Variants in REV3L observed in about 807,000 individuals in gnomAD.
REV3L encodes the protein DNA polymerase zeta catalytic subunit.
A neutral mutation model predicts 299.4 loss-of-function variants in REV3L; 69 were observed. The observed-to-expected ratio is 0.23, with a 90% CI of 0.19 to 0.28. REV3L has a LOEUF of 0.28. Among genes scored for constraint, REV3L ranks in the 10% least tolerant of loss-of-function variants. The pLI is 1.00. For missense variants in REV3L, 3,128 were observed against 3,693.8 expected (o/e 0.85, Z 3.97); for synonymous variants, 1,238 against 1,271.4 (o/e 0.97, Z 0.56).
At chr6:111,385,839 C>A (rs985409272) in intron 9 of REV3L, among the ~76,000 whole-genome samples, 7 of 151,860 alleles carry the variant, frequency 4.6e-5, no homozygotes, top group African/African-American at 1.5e-4. Context: ...ACCCAAATGG[C>A]CTTTAAAGAT....
rs530018606 is a variant in REV3L, at chr6:111,362,940, T to C, written c.6879+913A>G. 5.9e-4 allele frequency among the ~76,000 whole-genome samples: 90 copies of C among 152,306 alleles called. 2 individuals carry two copies. The highest frequency in any genetic ancestry group is 2.1e-4 in the South Asian group (1 of 4,828). ...ATATCCATGCTGCTAGCGGCTACCATACGACAGCACAGGTGTAAACAATGA... is the reference window on the plus strand; with the variant it reads ...ATATCCATGCTGCTAGCGGCTACCACACGACAGCACAGGTGTAAACAATGA... On this transcript the variant is annotated intron_variant, in intron 16 of 31. Transcript: ENST00000368802.
intron 1 of REV3L, among the ~76,000 whole-genome samples, chr6:111,473,123 AG>A (rs1415922219): frequency 6.6e-6 from 1 of 152,204 alleles, no homozygotes; most frequent in Admixed American, 6.5e-5. Flanking sequence ...TTACTTTATA[AG>A]TAAGTTCAAA....
At chr6:111,414,138 T>C (rs974009762) in intron 2 of REV3L, among the ~76,000 whole-genome samples, 1 of 152,066 alleles carries the variant, frequency 6.6e-6, no homozygotes, top group Admixed American at 6.6e-5. Context: ...CTGCAAACTG[T>C]ATTAAGTGCT....
At chr6:111,325,897 T>C (rs1774736324) in intron 25 of REV3L, among the ~76,000 whole-genome samples, 2 of 152,324 alleles carry the variant, frequency 1.3e-5, no homozygotes, top group African/African-American at 4.8e-5. Context: ...TTTGTACTCA[T>C]TAATCATTTC....
intron 4 of REV3L, among the ~76,000 whole-genome samples, chr6:111,395,399 T>C (rs1265727871): frequency 2.0e-5 from 3 of 152,240 alleles, no homozygotes; most frequent in Non-Finnish European, 4.4e-5. Flanking sequence ...TTATCAGTAA[T>C]TTCTAGTTTT....
chr6:111,366,797 A>G (rs1372849638), intron 14 of REV3L, among the ~76,000 whole-genome samples: 2 of 152,134 alleles, frequency 1.3e-5, no homozygotes, highest in African/African-American at 2.4e-5. Flanking sequence ...ACGTGAGGTC[A>G]AGGCAGGTTT....
rs1415694463 is a variant in REV3L at position 111,311,238 on chromosome 6, G to C, written c.8626C>G (p.Leu2876Val). The C allele has an allele frequency of 6.2e-7, 1 of 1,607,364 alleles. No homozygotes were observed. The highest frequency in any genetic ancestry group is 8.5e-7 in the Non-Finnish European group (1 of 1,177,238). The change falls in exon 29 of 32, where the codon CTG (leucine) becomes GTG (valine). Residue 2876 changes from leucine to valine, a missense_variant. This residue lies in a region of REV3L where 294 missense variants were observed against 377.0 expected (regional missense o/e 0.78). Coordinates refer to ENST00000368802, the MANE Select transcript of REV3L (RefSeq NM_001372078.1). ...VSKILERSLK[L>V]LFETRDISLI... ...CTTATATCTCTCGTTTCAAATAGCA[G>C]CTTTAGAGAACGCTCAAGTATCTTA...
At chr6:111,474,944 C>G (rs574074527) in intron 1 of REV3L, among the ~76,000 whole-genome samples, 1 of 151,630 alleles carries the variant, frequency 6.6e-6, no homozygotes, top group Non-Finnish European at 1.5e-5. Context: ...ATCAGACTCT[C>G]CCGTATCCTC....
At chr6:111,333,047 A>T in intron 23 of REV3L, 76 bp downstream of exon 23, 1 of 1,540,456 alleles carries the variant, frequency 6.5e-7, no homozygotes, top group Non-Finnish European at 8.8e-7. Flanking sequence ...GAGCAAAGAG[A>T]CACTCAGAAA....
intron 30 of REV3L, 109 bp downstream of exon 30, chr6:111,309,744 C>T: frequency 7.9e-7 from 1 of 1,268,080 alleles, no homozygotes; most frequent in South Asian, 1.6e-5. Context: ...CCACACTCTT[C>T]CCTTCCCAGC....
Position 111,315,394 on chromosome 6 carries a change from A to C in REV3L, c.8352-13T>G, listed in dbSNP as rs779760018. ...TAGCACAAACATACTAAGGGGATTAAAAATAAAGTAAGGTAATGAGGAAGT... is the reference window on the plus strand; with the variant it reads ...TAGCACAAACATACTAAGGGGATTACAAATAAAGTAAGGTAATGAGGAAGT... On this transcript the variant is annotated splice_polypyrimidine_tract_variant and intron_variant, in intron 26 of 31. Coordinates refer to ENST00000368802, the MANE Select transcript of REV3L (RefSeq NM_001372078.1). 2 of 1,601,488 alleles carry C rather than the reference A, an allele frequency of 1.2e-6. No homozygotes were observed. The highest frequency in any genetic ancestry group is 3.4e-5 in the Admixed American group (2 of 59,334).
chr6:111,310,239 T>C, intron 29 of REV3L, 140 bp from the exon 30 acceptor site: 2 of 1,103,704 alleles, frequency 1.8e-6, no homozygotes, highest in Non-Finnish European at 2.4e-6. Context: ...TACTATTTCT[T>C]TGAGAATAAT....
At position 111,439,049 on chromosome 6, in the gene REV3L, CA is replaced by C. The variant is rs201678932; in HGVS notation, c.140-22578del. Among the ~76,000 whole-genome samples, 885 of 152,254 alleles carry C rather than the reference CA, an allele frequency of 5.8e-3. 3 individuals are homozygous for C. The highest frequency in any genetic ancestry group is 8.3e-3 in the Non-Finnish European group (563 of 68,008). On this transcript the variant is annotated intron_variant, in intron 1 of 31. Coordinates refer to ENST00000368802, the MANE Select transcript of REV3L (RefSeq NM_001372078.1). ...AAAGGTAACTTATATTAGGTTGGTG[CA>C]AAAGTAACTGTGGTTTTTGCATTGT... is the stretch of plus-strand genomic sequence containing the variant.
chr6:111,449,008 A>C (rs1388085414), intron 1 of REV3L, among the ~76,000 whole-genome samples: 1 of 152,154 alleles, frequency 6.6e-6, no homozygotes, highest in East Asian at 1.9e-4. Flanking sequence ...TTTGCAAACA[A>C]ATCATTCCTG....
In REV3L at chr6:111,310,986, T is replaced by C. The variant is rs199619591; in HGVS notation, c.8795+83A>G. 95 of 1,111,510 alleles carry C rather than the reference T, an allele frequency of 8.5e-5. No homozygotes were observed. The East Asian group carries it at 2.3e-3, about 27-fold the overall frequency. The allele number at this position is 1,111,510 out of a possible 1,614,324, so 68.9% of individuals were successfully genotyped here. A position where few individuals can be genotyped will look rare whatever the true frequency, so the allele number is the denominator to read the frequency against. On this transcript the variant is annotated intron_variant, in intron 29 of 31. Coordinates refer to ENST00000368802, the MANE Select transcript of REV3L (RefSeq NM_001372078.1). ...AAAGAAACAATTTTGTGTCTGTGTC[T>C]ATGGACTGTCTTTTCATTTGGGTCT... is the stretch of plus-strand genomic sequence containing the variant.
chr6:111,313,608 T>C, intron 27 of REV3L, 119 bp from the exon 28 acceptor site: 2 of 1,031,978 alleles, frequency 1.9e-6, no homozygotes, highest in Non-Finnish European at 2.7e-6. Flanking sequence ...ATTCTATATA[T>C]GACTTTGGGC....
chr6:111,405,621 T>C lies in REV3L; in HGVS notation c.414A>G (p.Glu138=), dbSNP rs1783537457. ...TCATTATGGCTCCGCTTTGCAAAAG[T>C]TCACATATCCTAAATTAGAAAAAAA... ...YNPTMVKRIC[E]LLQSGAIMNK... is the part of the protein sequence containing the mutation. Residue 138 remains glutamate, a synonymous_variant, in exon 4 of 32, where the codon GAA becomes GAG. Transcript: ENST00000368802. 1 of 1,592,450 alleles carries C rather than the reference T, an allele frequency of 6.3e-7. No homozygotes were observed. Among genetic ancestry groups the C allele is most frequent in the African/African-American group, 1.4e-5 (1 of 73,742 alleles).
At position 111,422,618 on chromosome 6, in the gene REV3L, A is replaced by G. The variant is rs1352667165; in HGVS notation, c.140-6146T>C. Among the ~76,000 whole-genome samples, 50 of 19,658 alleles carry G rather than the reference A, an allele frequency of 2.5e-3. 2 individuals are homozygous for G. The highest frequency in any genetic ancestry group is 4.0e-3 in the African/African-American group (39 of 9,838). The allele number at this position is 19,658 out of a possible 152,430, so 12.9% of individuals were successfully genotyped here. A position where few individuals can be genotyped will look rare whatever the true frequency, so the allele number is the denominator to read the frequency against. Reference sequence around the variant, plus strand: ...TACACATATATATATATATACACATATATATATATATACACATATATATAT... The same window carrying G: ...TACACATATATATATATATACACATGTATATATATATACACATATATATAT... On this transcript the variant is annotated intron_variant, in intron 1 of 31. Transcript: ENST00000368802.
At chr6:111,393,734 G>A (rs567270187) in intron 4 of REV3L, among the ~76,000 whole-genome samples, 2 of 151,870 alleles carry the variant, frequency 1.3e-5, no homozygotes, top group South Asian at 4.2e-4. Context: ...ATCTTGCTAT[G>A]TTGCCCAGAC....
Sources: allele counts gnomAD v4.1 joint callset (sites outside exome capture counted in the v4.1 genomes callset), GRCh38; gene constraint gnomAD v4.1.1; regional missense constraint gnomAD v4.1.1; transcripts MANE v1.5; gene names NCBI Gene and HGNC (gene_info 2026-07-23, HGNC 2026-07-21).